Variants in NEGR1 observed in about 807,000 individuals in gnomAD.
NEGR1 encodes IgLON family member 4.
In NEGR1, 10 loss-of-function variants were observed where a neutral mutation model predicts 40.9. The ratio of observed to expected loss-of-function variants is 0.24; its 90% CI spans 0.15 to 0.42. The LOEUF (loss-of-function observed/expected upper bound fraction) is 0.42. Among genes scored for constraint, NEGR1 ranks in the 10% least tolerant of loss-of-function variants. NEGR1 has a pLI of 1.00. For missense variants in NEGR1, 352 were observed against 438.9 expected (o/e 0.80, Z 1.77); for synonymous variants, 185 against 166.8 (o/e 1.11, Z -0.84).
At chr1:72,251,014 C>A (rs538593203) in intron 1 of NEGR1, among the ~76,000 whole-genome samples, 1 of 152,252 alleles carries the variant, frequency 6.6e-6, no homozygotes, top group South Asian at 2.1e-4. Flanking sequence ...CTCATGAATT[C>A]TTTTCTTGTA....
intron 2 of NEGR1, among the ~76,000 whole-genome samples, chr1:71,884,317 C>A (rs556557470): frequency 6.6e-6 from 1 of 152,230 alleles, no homozygotes; most frequent in African/African-American, 2.4e-5. Flanking sequence ...GTTCTGCAAG[C>A]CATATATCAT....
intron 6 of NEGR1, among the ~76,000 whole-genome samples, chr1:71,554,690 G>A (rs1159342350): frequency 6.6e-6 from 1 of 151,304 alleles, no homozygotes; most frequent in Non-Finnish European, 1.5e-5. Flanking sequence ...GGAAAAATTT[G>A]GACATTCTAG....
At chr1:72,186,120 T>G (rs560889374) in intron 1 of NEGR1, among the ~76,000 whole-genome samples, 4 of 151,878 alleles carry the variant, frequency 2.6e-5, no homozygotes, top group Admixed American at 2.0e-4. Context: ...GAAATAGATC[T>G]TTCTCTCTAG....
intron 1 of NEGR1, among the ~76,000 whole-genome samples, chr1:72,164,949 C>T (rs1651715122): frequency 2.6e-5 from 4 of 152,004 alleles, no homozygotes; most frequent in Admixed American, 6.6e-5. Context: ...TTACAAATAC[C>T]CTTTAGAGTA....
chr1:71,457,028 ATAT>A (rs1465543158), intron 6 of NEGR1, among the ~76,000 whole-genome samples: 1 of 152,130 alleles, frequency 6.6e-6, no homozygotes, highest in South Asian at 2.1e-4. Flanking sequence ...GTCTGTGGAA[ATAT>A]TATTATCTTC....
At chr1:71,708,283 T>G (rs1653970297) in intron 3 of NEGR1, among the ~76,000 whole-genome samples, 1 of 151,744 alleles carries the variant, frequency 6.6e-6, no homozygotes, top group African/African-American at 2.4e-5. Context: ...GAACTCAGAA[T>G]TCCATCAGAT....
At chr1:71,942,195 A>G (rs1645965390) in intron 1 of NEGR1, among the ~76,000 whole-genome samples, 1 of 151,078 alleles carries the variant, frequency 6.6e-6, no homozygotes, top group Non-Finnish European at 1.5e-5. Flanking sequence ...TATTTTTAAA[A>G]TATTTTGGAT....
chr1:71,989,884 T>A (rs186693063), intron 1 of NEGR1, among the ~76,000 whole-genome samples: 348 of 152,320 alleles, frequency 2.3e-3, no homozygotes, highest in African/African-American at 8.0e-3. Flanking sequence ...AATGTTTTTT[T>A]AATCACTCAT....
At chr1:71,971,487 T>C (rs1453376363) in intron 1 of NEGR1, among the ~76,000 whole-genome samples, 2 of 152,150 alleles carry the variant, frequency 1.3e-5, no homozygotes, top group Non-Finnish European at 2.9e-5. Context: ...TTACATGAGA[T>C]TATACACATG....
At chr1:72,169,950 G>C (rs1248785763) in intron 1 of NEGR1, among the ~76,000 whole-genome samples, 1 of 152,102 alleles carries the variant, frequency 6.6e-6, no homozygotes. Context: ...AAAAGTATGT[G>C]ATCATTAATA....
intron 4 of NEGR1, among the ~76,000 whole-genome samples, chr1:71,639,277 T>C (rs1253069833): frequency 6.6e-6 from 1 of 150,542 alleles, no homozygotes; most frequent in African/African-American, 2.4e-5. Context: ...CTTTGTCAAC[T>C]AGGTGAGTTT....
chr1:71,756,568 C>T (rs1207414630), intron 3 of NEGR1, among the ~76,000 whole-genome samples: 1 of 151,892 alleles, frequency 6.6e-6, no homozygotes, highest in African/African-American at 2.4e-5. Context: ...CATGAAATAC[C>T]CAGTTGTAAT....
intron 6 of NEGR1, among the ~76,000 whole-genome samples, chr1:71,424,092 A>AT (rs1646414621): frequency 1.3e-5 from 2 of 151,450 alleles, no homozygotes; most frequent in Non-Finnish European, 2.9e-5. Flanking sequence ...AAAGAAAAAA[A>AT]AAAACCTTTA....
intron 6 of NEGR1, among the ~76,000 whole-genome samples, chr1:71,547,650 T>C (rs1647944644): frequency 6.6e-6 from 1 of 151,626 alleles, no homozygotes; most frequent in African/African-American, 2.4e-5. Flanking sequence ...CAGACAGAAG[T>C]GAAGATTTCA....
intron 2 of NEGR1, among the ~76,000 whole-genome samples, chr1:71,848,858 C>T (rs1243242740): frequency 1.3e-5 from 2 of 152,040 alleles, no homozygotes; most frequent in Admixed American, 6.6e-5. Context: ...GAGGCCGAGG[C>T]GGGTGGATCA....
chr1:71,986,904 A>G (rs1030479113), intron 1 of NEGR1, among the ~76,000 whole-genome samples: 8 of 152,242 alleles, frequency 5.3e-5, no homozygotes, highest in African/African-American at 1.9e-4. Context: ...ATTTTGCAGC[A>G]GGGAACTGTA....
intron 1 of NEGR1, among the ~76,000 whole-genome samples, chr1:72,157,141 G>T (rs565694545): frequency 6.6e-6 from 1 of 151,856 alleles, no homozygotes; most frequent in African/African-American, 2.4e-5. Flanking sequence ...TTTTTGTTTC[G>T]TTTTGTTTTT....
At chr1:71,532,101 A>G (rs989973579) in intron 6 of NEGR1, among the ~76,000 whole-genome samples, 3 of 151,672 alleles carry the variant, frequency 2.0e-5, no homozygotes, top group Admixed American at 1.3e-4. Flanking sequence ...TGAACTTTTC[A>G]AAGCTGAATA....
At chr1:71,762,975 A>G (rs952022740) in intron 3 of NEGR1, among the ~76,000 whole-genome samples, 5 of 152,160 alleles carry the variant, frequency 3.3e-5, no homozygotes, top group Non-Finnish European at 7.4e-5. Flanking sequence ...ATAAAGCAAT[A>G]AAAGAATGAA....
Sources: allele counts gnomAD v4.1 joint callset (sites outside exome capture counted in the v4.1 genomes callset), GRCh38; gene constraint gnomAD v4.1.1; transcripts MANE v1.5; gene names NCBI Gene and HGNC (gene_info 2026-07-23, HGNC 2026-07-21).